Variants in FSIP2 observed in about 807,000 individuals in gnomAD.
The protein encoded by FSIP2 is fibrous sheath-interacting protein 2.
FSIP2 carries 367 observed loss-of-function variants against 510.5 expected under a neutral mutation model. The observed-to-expected ratio is 0.72, with a 90% CI of 0.66 to 0.78. The LOEUF (loss-of-function observed/expected upper bound fraction) is 0.78. Among genes scored for constraint, FSIP2 ranks in the 30% least tolerant of loss-of-function variants. The probability of loss-of-function intolerance (pLI) is 0.00; values close to 1 mark genes in which losing one functional copy is unlikely to be tolerated. For synonymous variants in FSIP2, 2,601 were observed against 2,732.2 expected (o/e 0.95, Z 1.50); for missense variants, 7,594 against 7,901.7 (o/e 0.96, Z 1.48).
At chr2:185,739,857 T>G (rs554202490) in intron 2 of FSIP2, among the ~76,000 whole-genome samples, 129 of 152,312 alleles carry the variant, frequency 8.5e-4, no homozygotes, top group South Asian at 2.1e-3. Flanking sequence ...GACAGTATCT[T>G]GGACCAAACT....
intron 7 of FSIP2, among the ~76,000 whole-genome samples, chr2:185,753,456 T>G (rs901820871): frequency 6.6e-6 from 1 of 151,462 alleles, no homozygotes; most frequent in Non-Finnish European, 1.5e-5. Context: ...CCAGGACAGG[T>G]ATGAATAAGA....
In FSIP2 at chr2:185,764,549, C is replaced by G; in HGVS notation, c.1395C>G (p.Ser465Arg). Residue 465 changes from serine to arginine, a missense_variant, in exon 13 of 23, where the codon AGC becomes AGG. Transcript: ENST00000424728. Reference protein sequence around the residue: ...DWDGRPTKRSSYLCESGPQAH... With the variant: ...DWDGRPTKRSRYLCESGPQAH... ...ATGGAAGACCAACCAAGAGATCAAG[C>G]TATCTCTGCGAATCAGGTAAATATC... 6.6e-7 allele frequency: 1 copy of G among 1,526,586 alleles called. No homozygotes were observed. Among genetic ancestry groups the G allele is most frequent in the East Asian group, 2.5e-5 (1 of 40,690 alleles). The allele number at this position is 1,526,586 out of a possible 1,614,324, so 94.6% of individuals were successfully genotyped here.
chr2:185,755,426 A>G (rs1370687675), intron 8 of FSIP2, among the ~76,000 whole-genome samples: 1 of 151,628 alleles, frequency 6.6e-6, no homozygotes, highest in Non-Finnish European at 1.5e-5. Context: ...ATATAGTAGG[A>G]ATAATTTCTG....
In FSIP2 at chr2:185,804,267, A is replaced by G; in HGVS notation, c.14961A>G (p.Thr4987=). ...VKLKLTRIVT[T]LVNSIVLEFT... ...TGAAACTTACCAGGATTGTTACAAC[A>G]TTGGTAAATTCAATTGTTCTGGAGT... The change falls in exon 17 of 23, where the codon ACA becomes ACG. Residue 4987 remains threonine (T), a synonymous_variant. Coordinates refer to ENST00000424728, the MANE Select transcript of FSIP2 (RefSeq NM_173651.4). The G allele has an allele frequency of 6.5e-7, 1 of 1,529,230 alleles. No homozygotes were observed. Among genetic ancestry groups the G allele is most frequent in the East Asian group, 2.5e-5 (1 of 40,712 alleles). 94.7% of individuals were successfully genotyped at this position (1,529,230 alleles called of 1,614,324 possible).
chr2:185,791,598 T>G lies in FSIP2; in HGVS notation c.4462T>G (p.Leu1488Val), dbSNP rs1693129977. The G allele has an allele frequency of 6.5e-7, 1 of 1,534,212 alleles. No homozygotes were observed. The highest frequency in any genetic ancestry group is 1.4e-5 in the African/African-American group (1 of 73,022). Residue 1488 changes from leucine to valine, a missense_variant, in exon 16 of 23, where the codon TTG becomes GTG. Transcript: ENST00000424728. Reference sequence around the variant, plus strand: ...TATTCAGTTAATTTCTAAAGCAATTTTGGATTATATCCTTGCAAAATTATG... The same window carrying G: ...TATTCAGTTAATTTCTAAAGCAATTGTGGATTATATCCTTGCAAAATTATG... ...SNIQLISKAI[L>V]DYILAKLCGV...
chr2:185,778,739 T>A (rs989524959), intron 13 of FSIP2, among the ~76,000 whole-genome samples: 2 of 151,996 alleles, frequency 1.3e-5, no homozygotes, highest in African/African-American at 4.8e-5. Flanking sequence ...ATGTTCTAAA[T>A]ATGTCCATTC....
At chr2:185,747,545 T>C (rs1366135120) in intron 7 of FSIP2, 122 bp downstream of exon 7, 1 of 532,816 alleles carries the variant, frequency 1.9e-6, no homozygotes, top group Non-Finnish European at 3.4e-6. Flanking sequence ...ATATGCATGA[T>C]ATAAAACTGC....
chr2:185,805,656 T>C lies in FSIP2; in HGVS notation c.16350T>C (p.Ser5450=). Residue 5450 remains serine (S), a synonymous_variant, in exon 17 of 23, where the codon TCT becomes TCC. Transcript: ENST00000424728. ...CAGATCAATCATATAAAGATACTTC[T>C]TCCACCCCAGATTGCAAAAACATGA... ...SLPDQSYKDT[S]STPDCKNMMS... is the part of the protein sequence containing the mutation. 2.5e-6 allele frequency: 4 copies of C among 1,610,620 alleles called. No homozygotes were observed. The South Asian group carries it at 4.4e-5, about 18-fold the overall frequency.
At position 185,795,624 on chromosome 2, in the gene FSIP2, A is replaced by G. The variant is rs543815943; in HGVS notation, c.8488A>G (p.Ile2830Val). ...GAATGTTTCTTCACAGCTAGAGCAC[A>G]TTTTTCCTAGAGAAGGTATATTTAA... ...LENVSSQLEH[I>V]FPREGIFKKL... The change falls in exon 16 of 23, where the codon ATT becomes GTT. Residue 2830 changes from isoleucine (I) to valine (V), a missense_variant. Coordinates refer to ENST00000424728, the MANE Select transcript of FSIP2 (RefSeq NM_173651.4). The G allele has an allele frequency of 6.5e-7, 1 of 1,534,968 alleles. No individual in the cohort carries two copies. Among genetic ancestry groups the G allele is most frequent in the South Asian group, 1.2e-5 (1 of 83,990 alleles).
chr2:185,796,452 C>T lies in FSIP2; in HGVS notation c.9316C>T (p.Pro3106Ser). The change falls in exon 16 of 23, where the codon CCA (proline) becomes TCA (serine). Residue 3106 changes from proline to serine, a missense_variant. Coordinates refer to ENST00000424728, the MANE Select transcript of FSIP2 (RefSeq NM_173651.4). ...AGACAACGAAATAAGCCAAATGGAACCATCTTCAATTAGCATATTGAAAGA... is the reference window on the plus strand; with the variant it reads ...AGACAACGAAATAAGCCAAATGGAATCATCTTCAATTAGCATATTGAAAGA... ...KLDNEISQME[P>S]SSISILKENI... The T allele has an allele frequency of 2.0e-6, 3 of 1,534,848 alleles. No individual in the cohort carries two copies. Among genetic ancestry groups the T allele is most frequent in the Non-Finnish European group, 2.6e-6 (3 of 1,146,190 alleles).
intron 21 of FSIP2, among the ~76,000 whole-genome samples, chr2:185,828,908 A>G (rs1039515944): frequency 2.0e-5 from 3 of 151,868 alleles, no homozygotes; most frequent in African/African-American, 7.2e-5. Flanking sequence ...CAGTATCACA[A>G]TATAGTACGA....
At chr2:185,784,037 C>T (rs1413212430) in intron 14 of FSIP2, 1 of 152,186 alleles carries the variant, frequency 6.6e-6, no homozygotes, top group Admixed American at 6.5e-5. Flanking sequence ...TCCTCTTGCT[C>T]AGGTTTAACT....
At chr2:185,749,180 A>C (rs1234452418) in intron 7 of FSIP2, among the ~76,000 whole-genome samples, 1 of 151,730 alleles carries the variant, frequency 6.6e-6, no homozygotes, top group Non-Finnish European at 1.5e-5. Context: ...ATTTCTACCA[A>C]AACGTCTTGC....
intron 7 of FSIP2, among the ~76,000 whole-genome samples, chr2:185,752,580 C>A (rs1692170658): frequency 6.6e-6 from 1 of 151,298 alleles, no homozygotes; most frequent in Non-Finnish European, 1.5e-5. Flanking sequence ...TCACTGAAAT[C>A]TTTTCATTTA....
intron 13 of FSIP2, among the ~76,000 whole-genome samples, chr2:185,767,186 G>A (rs1469261111): frequency 1.3e-5 from 2 of 148,260 alleles, no homozygotes; most frequent in African/African-American, 2.5e-5. Context: ...GGGCAGGGGG[G>A]AGGGATAGCA....
intron 13 of FSIP2, among the ~76,000 whole-genome samples, chr2:185,768,820 C>T (rs1043314178): frequency 6.6e-6 from 1 of 152,090 alleles, no homozygotes; most frequent in South Asian, 2.1e-4. Context: ...CGGTGTCATT[C>T]CCCTCTTCGA....
chr2:185,798,621 C>T (rs1384312425), intron 16 of FSIP2, among the ~76,000 whole-genome samples: 7 of 151,900 alleles, frequency 4.6e-5, no homozygotes, highest in East Asian at 2.0e-4. Context: ...CCCACCTGCA[C>T]GAGGAGGTTA....
chr2:185,802,646 T>C lies in FSIP2; in HGVS notation c.13340T>C (p.Ile4447Thr). ...ENIVQDILSN[I>T]SKSTEPSQSV... ...ATTGTTCAGGACATCCTTAGTAACA[T>C]CAGTAAATCTACTGAGCCAAGCCAG... The change falls in exon 17 of 23, where the codon ATC (isoleucine) becomes ACC (threonine). Residue 4447 changes from isoleucine (I) to threonine (T), a missense_variant. Transcript: ENST00000424728. 6.5e-7 allele frequency: 1 copy of C among 1,533,764 alleles called. No individual in the cohort carries two copies. The highest frequency in any genetic ancestry group is 8.7e-7 in the Non-Finnish European group (1 of 1,145,356).
chr2:185,744,351 G>A lies in FSIP2; in HGVS notation c.417G>A (p.Lys139=), dbSNP rs7565249. Residue 139 remains lysine, a synonymous_variant, in exon 4 of 23, where the codon AAG becomes AAA. Transcript: ENST00000424728. ...TATGTACCTTGAGAGAATTGAATAA[G>A]TACAGGCAATATCTTACCAGTTTAA... ...KVVCTLRELN[K]YRQYLTSLKL... 6.4e-5 allele frequency: 80 copies of A among 1,251,326 alleles called. No individual in the cohort carries two copies. The African/African-American group carries it at 1.1e-3, about 17-fold the overall frequency. The allele number at this position is 1,251,326 out of a possible 1,614,324, so 77.5% of individuals were successfully genotyped here. A position where few individuals can be genotyped will look rare whatever the true frequency, so the allele number is the denominator to read the frequency against.
Sources: allele counts gnomAD v4.1 joint callset (sites outside exome capture counted in the v4.1 genomes callset), GRCh38; gene constraint gnomAD v4.1.1; transcripts MANE v1.5; gene names NCBI Gene and HGNC (gene_info 2026-07-23, HGNC 2026-07-21).